The following SKAP1 variants were observed in gnomAD, a reference collection of about 807,000 sequenced individuals.
The protein encoded by SKAP1 is src kinase-associated phosphoprotein 1.
A neutral mutation model predicts 58.5 loss-of-function variants in SKAP1; 44 were observed. That is an observed-to-expected ratio of 0.75 (90% CI 0.59 to 0.97). The LOEUF is 0.97. SKAP1 is among the 50% of genes least tolerant of loss of function. The pLI is 0.00. For missense variants in SKAP1, 390 were observed against 435.2 expected (o/e 0.90, Z 0.92); for synonymous variants, 127 against 149.7 (o/e 0.85, Z 1.11).
At chr17:48,337,486 A>C (rs1056486964) in intron 4 of SKAP1, among the ~76,000 whole-genome samples, 21 of 152,180 alleles carry the variant, frequency 1.4e-4, no homozygotes, top group African/African-American at 5.1e-4. Flanking sequence ...TCCTCTACAT[A>C]GCATCCAAAC....
chr17:48,219,395 C>T (rs773003757), intron 4 of SKAP1, among the ~76,000 whole-genome samples: 5 of 152,206 alleles, frequency 3.3e-5, no homozygotes, highest in Admixed American at 3.3e-4. Flanking sequence ...TGTCCAGCCT[C>T]AAATAAAGCA....
Position 48,427,829 on chromosome 17 carries a change from C to T in SKAP1, c.46+2246G>A, listed in dbSNP as rs144156399. Among the ~76,000 whole-genome samples, 139 of 152,076 alleles carry T rather than the reference C, an allele frequency of 9.1e-4. 2 individuals carry two copies. In the East Asian group the frequency reaches 0.023, roughly 25 times the overall value. ...GGCAGCACTAGAGTTGCAGCCCTCACATCCTGTGACTCCCTCCCACAGAGT... is the reference window on the plus strand; with the variant it reads ...GGCAGCACTAGAGTTGCAGCCCTCATATCCTGTGACTCCCTCCCACAGAGT... On this transcript the variant is annotated intron_variant, in intron 1 of 12. Coordinates refer to ENST00000336915, the MANE Select transcript of SKAP1 (RefSeq NM_003726.4).
intron 2 of SKAP1, 104 bp from the exon 3 acceptor site, chr17:48,363,918 A>C (rs1173197055): frequency 1.2e-6 from 1 of 815,652 alleles, no homozygotes; most frequent in African/African-American, 1.7e-5. Context: ...AGCTTGCTAA[A>C]GTCTATAACC....
chr17:48,162,360 G>A, intron 11 of SKAP1, 109 bp downstream of exon 11: 1 of 588,668 alleles, frequency 1.7e-6, no homozygotes, highest in East Asian at 3.2e-5. Context: ...AATTTATATT[G>A]TGAGGGAGCC....
chr17:48,221,975 T>C (rs1223763682), intron 4 of SKAP1, among the ~76,000 whole-genome samples: 1 of 152,182 alleles, frequency 6.6e-6, no homozygotes, highest in Non-Finnish European at 1.5e-5. Context: ...ACATCTATAA[T>C]TTGTAGTGAT....
intron 1 of SKAP1, among the ~76,000 whole-genome samples, chr17:48,419,215 A>T (rs112656043): frequency 6.6e-6 from 1 of 152,274 alleles, no homozygotes; most frequent in African/African-American, 2.4e-5. Context: ...CAATTTTTGC[A>T]TCAACCTAAT....
intron 4 of SKAP1, among the ~76,000 whole-genome samples, chr17:48,205,119 TC>T (rs2064793556): frequency 6.6e-6 from 1 of 151,190 alleles, no homozygotes; most frequent in Non-Finnish European, 1.5e-5. Context: ...TCTGTCTCTT[TC>T]TTTTTTTGAG....
chr17:48,304,168 G>T (rs1189871213), intron 4 of SKAP1, among the ~76,000 whole-genome samples: 1 of 152,036 alleles, frequency 6.6e-6, no homozygotes, highest in Non-Finnish European at 1.5e-5. Flanking sequence ...AAGCATAATG[G>T]ACCTCTATAA....
At chr17:48,411,970 G>A (rs1363006814) in intron 1 of SKAP1, among the ~76,000 whole-genome samples, 1 of 152,166 alleles carries the variant, frequency 6.6e-6, no homozygotes, top group African/African-American at 2.4e-5. Flanking sequence ...AAAACTGAAT[G>A]AAATGTGGAT....
the SKAP1 span, among the ~76,000 whole-genome samples, chr17:48,435,911 C>T: frequency 1.6e-4 from 25 of 152,334 alleles, no homozygotes; most frequent in African/African-American, 6.0e-4. Flanking sequence ...GACAGAAACA[C>T]TAGAGTCAGA....
At chr17:48,282,411 C>T (rs2065778206) in intron 4 of SKAP1, among the ~76,000 whole-genome samples, 1 of 152,220 alleles carries the variant, frequency 6.6e-6, no homozygotes, top group South Asian at 2.1e-4. Context: ...ACAGAGTTCT[C>T]ATCTATCCTT....
At chr17:48,360,535 A>G (rs909595434) in intron 3 of SKAP1, among the ~76,000 whole-genome samples, 13 of 152,066 alleles carry the variant, frequency 8.5e-5, no homozygotes, top group African/African-American at 2.9e-4. Context: ...AACTTTAAGT[A>G]AAAAATTAAG....
chr17:48,162,042 T>C (rs2064076599), intron 11 of SKAP1, among the ~76,000 whole-genome samples: 1 of 152,186 alleles, frequency 6.6e-6, no homozygotes, highest in African/African-American at 2.4e-5. Context: ...CTTAGCTCAC[T>C]GCAAGCTCCG....
intron 6 of SKAP1, among the ~76,000 whole-genome samples, chr17:48,185,355 G>A (rs1324226728): frequency 6.6e-6 from 1 of 152,160 alleles, no homozygotes; most frequent in Non-Finnish European, 1.5e-5. Flanking sequence ...GGGAATTTAT[G>A]CCAGAGGGAG....
At chr17:48,440,907 C>T in the SKAP1 span, among the ~76,000 whole-genome samples, 1 of 152,182 alleles carries the variant, frequency 6.6e-6, no homozygotes, top group African/African-American at 2.4e-5. Context: ...GACAGAGGCT[C>T]AGAGGGAAAT....
intron 4 of SKAP1, among the ~76,000 whole-genome samples, chr17:48,274,163 C>T (rs1417113944): frequency 6.6e-6 from 1 of 151,440 alleles, no homozygotes; most frequent in Non-Finnish European, 1.5e-5. Flanking sequence ...CCGAGGTGAG[C>T]AGATCACTTA....
chr17:48,379,813 C>T (rs961916126), intron 2 of SKAP1, among the ~76,000 whole-genome samples: 8 of 151,900 alleles, frequency 5.3e-5, no homozygotes, highest in African/African-American at 1.7e-4. Context: ...TCCTGAGTAG[C>T]TGGGATTACA....
chr17:48,135,378 C>T (rs2063685589), intron 12 of SKAP1, among the ~76,000 whole-genome samples: 1 of 152,234 alleles, frequency 6.6e-6, no homozygotes, highest in Admixed American at 6.5e-5. Context: ...CCAAAACCCA[C>T]TCTGCACCAA....
At chr17:48,214,173 T>C (rs1369089068) in intron 4 of SKAP1, among the ~76,000 whole-genome samples, 1 of 152,218 alleles carries the variant, frequency 6.6e-6, no homozygotes, top group Non-Finnish European at 1.5e-5. Context: ...TCATCATAAG[T>C]CACCCTCTGT....
Sources: gnomAD v4.1 joint callset for allele counts (sites outside exome capture counted in the v4.1 genomes callset) on GRCh38, gnomAD v4.1.1 for gene constraint, MANE v1.5 for transcripts, NCBI Gene and HGNC (gene_info 2026-07-23, HGNC 2026-07-21) for gene names.